PDE10A: variants seen among roughly 807,000 people sequenced by gnomAD.
PDE10A encodes cAMP and cAMP-inhibited cGMP 3',5'-cyclic phosphodiesterase 10A.
In PDE10A, 39 loss-of-function variants were observed where a neutral mutation model predicts 97.7. The ratio of observed to expected loss-of-function variants is 0.40; its 90% CI spans 0.31 to 0.52. The LOEUF is 0.52. Ranked by LOEUF, PDE10A falls within the 20% of genes least tolerant of loss-of-function variation. PDE10A has a pLI of 0.56. For synonymous variants in PDE10A, 371 were observed against 376.8 expected (o/e 0.98, Z 0.18); for missense variants, 731 against 1,047.8 (o/e 0.70, Z 4.17).
intron 13 of PDE10A, among the ~76,000 whole-genome samples, chr6:165,406,086 C>T (rs556280323): frequency 3.9e-5 from 6 of 152,112 alleles, no homozygotes; most frequent in Non-Finnish European, 7.4e-5. Flanking sequence ...AGACTGAACT[C>T]GGCTGAAATT....
chr6:165,428,549 C>T, intron 10 of PDE10A, 109 bp downstream of exon 10: 1 of 612,342 alleles, frequency 1.6e-6, no homozygotes, highest in East Asian at 3.2e-5. Context: ...ACCACATTTT[C>T]ATAATATTGA....
chr6:165,661,676 C>G lies in PDE10A; in HGVS notation c.865+271G>C. 1 of 419,812 alleles carries G rather than the reference C, an allele frequency of 2.4e-6. No homozygotes were observed. Among genetic ancestry groups the G allele is most frequent in the Non-Finnish European group, 4.2e-6 (1 of 239,362 alleles). 26.0% of individuals were successfully genotyped at this position (419,812 alleles called of 1,614,324 possible). On this transcript the variant is annotated intron_variant, in intron 1 of 21. Coordinates refer to ENST00000539869, the MANE Select transcript of PDE10A (RefSeq NM_001385079.1). The surrounding 1 kb of genome is among the most constrained non-coding windows in gnomAD (Gnocchi z 4.8). ...AGGAGGCGGCAGGTCCCGCTCGCAA[C>G]GTCCAAGCTCCCGCCGCCCTCCCGA... is the stretch of plus-strand genomic sequence containing the variant.
In PDE10A at chr6:165,867,891, A is replaced by G. The variant is rs376012350; in HGVS notation, c.-615+119638T>C. Among the ~76,000 whole-genome samples the G allele has an allele frequency of 6.6e-5, 10 of 152,274 alleles. No individual in the cohort carries two copies. The South Asian group carries it at 8.3e-4, about 13-fold the overall frequency. The stretch of plus-strand genomic sequence containing the variant: ...CAAGAGAAACATTGGAAACTATGCA[A>G]ATACATGGAAATTAAACATGTTCCT... On this transcript the variant is annotated intron_variant, in intron 1 of 19. Coordinates refer to the PDE10A transcript ENST00000366882.
intron 1 of PDE10A, among the ~76,000 whole-genome samples, chr6:165,861,639 G>A (rs138005272): frequency 2.0e-5 from 3 of 151,958 alleles, no homozygotes; most frequent in African/African-American, 7.3e-5. Flanking sequence ...ATGGGAGTTC[G>A]CTGGGAAGGG....
intron 17 of PDE10A, among the ~76,000 whole-genome samples, chr6:165,382,212 G>A (rs982344077): frequency 1.3e-5 from 2 of 152,134 alleles, no homozygotes; most frequent in Non-Finnish European, 2.9e-5. Context: ...TGGTGCTGAC[G>A]CTGAAAGATG....
At chr6:165,983,355 C>G (rs1311733579) in intron 1 of PDE10A, among the ~76,000 whole-genome samples, 1 of 152,138 alleles carries the variant, frequency 6.6e-6, no homozygotes, top group Admixed American at 6.5e-5. Context: ...CAGCACAGGA[C>G]CTGAAATGAG....
At chr6:165,861,928 C>A (rs539609986) in intron 1 of PDE10A, among the ~76,000 whole-genome samples, 1 of 152,264 alleles carries the variant, frequency 6.6e-6, no homozygotes, top group Non-Finnish European at 1.5e-5. Context: ...TAGATCCCTG[C>A]CCTTCAGACT....
intron 3 of PDE10A, among the ~76,000 whole-genome samples, chr6:165,477,005 A>G (rs1274453253): frequency 6.6e-6 from 1 of 152,182 alleles, no homozygotes; most frequent in Non-Finnish European, 1.5e-5. Context: ...TAAAAAGAGT[A>G]ATAGTAATAA....
intron 2 of PDE10A, among the ~76,000 whole-genome samples, chr6:165,507,892 T>C (rs769164298): frequency 6.6e-6 from 1 of 152,070 alleles, no homozygotes; most frequent in Non-Finnish European, 1.5e-5. Context: ...AACAATGTTT[T>C]CTTAAGACTT....
At chr6:165,434,058 G>C (rs1479581852) in intron 6 of PDE10A, among the ~76,000 whole-genome samples, 1 of 142,786 alleles carries the variant, frequency 7.0e-6, no homozygotes, top group Non-Finnish European at 1.5e-5. Context: ...CAGGGAAATT[G>C]AATGAATTAA....
chr6:165,808,328 C>G (rs922917854), intron 1 of PDE10A, among the ~76,000 whole-genome samples: 2 of 152,226 alleles, frequency 1.3e-5, no homozygotes, highest in Admixed American at 1.3e-4. Flanking sequence ...CATCCATCTG[C>G]TGAACTGGCT....
At chr6:165,917,338 A>G (rs774541912) in intron 1 of PDE10A, among the ~76,000 whole-genome samples, 2 of 152,160 alleles carry the variant, frequency 1.3e-5, no homozygotes, top group Non-Finnish European at 2.9e-5. Flanking sequence ...GACTTAGAGC[A>G]ATTAGGACTC....
At chr6:165,531,713 A>T (rs552091656) in intron 2 of PDE10A, among the ~76,000 whole-genome samples, 5 of 152,304 alleles carry the variant, frequency 3.3e-5, no homozygotes, top group Admixed American at 2.6e-4. Flanking sequence ...TTATGTGTTG[A>T]TTATTATCTC....
At chr6:165,430,011 T>C (rs941693505) in intron 9 of PDE10A, among the ~76,000 whole-genome samples, 3 of 152,142 alleles carry the variant, frequency 2.0e-5, no homozygotes, top group Non-Finnish European at 4.4e-5. Flanking sequence ...TAGAGATATT[T>C]AGTGTCTTTA....
intron 1 of PDE10A, among the ~76,000 whole-genome samples, chr6:165,937,560 G>A (rs906591494): frequency 1.3e-5 from 2 of 152,102 alleles, no homozygotes; most frequent in African/African-American, 4.8e-5. Context: ...AATATTTATT[G>A]GAAGAGTTGG....
At chr6:165,463,183 G>C (rs897424318) in intron 3 of PDE10A, among the ~76,000 whole-genome samples, 1 of 152,116 alleles carries the variant, frequency 6.6e-6, no homozygotes, top group Admixed American at 6.5e-5. Flanking sequence ...CGGTAGAAAT[G>C]GCAAAAAATA....
chr6:165,918,015 T>G, intron 1 of PDE10A, among the ~76,000 whole-genome samples: 1 of 152,168 alleles, frequency 6.6e-6, no homozygotes, highest in East Asian at 1.9e-4. Flanking sequence ...ATTCCCTTAG[T>G]ATTCCGGAAG....
chr6:165,636,968 T>C (rs73024118), intron 1 of PDE10A, among the ~76,000 whole-genome samples: 82 of 152,148 alleles, frequency 5.4e-4, no homozygotes, highest in South Asian at 1.0e-3. Context: ...CATGTGAAAA[T>C]TGTCAGACTG....
At chr6:165,936,268 AGGAATGTGATGAACCATGGAG>A (rs551344234) in intron 1 of PDE10A, among the ~76,000 whole-genome samples, 55 of 152,244 alleles carry the variant, frequency 3.6e-4, no homozygotes, top group African/African-American at 1.3e-3. Context: ...TGCCAGAGGG[AGGAATGTGATGAACCATGGAG>A]GGAATGTGAT....
Sources: allele counts gnomAD v4.1 joint callset (sites outside exome capture counted in the v4.1 genomes callset), GRCh38; gene constraint gnomAD v4.1.1; non-coding constraint Gnocchi (gnomAD v3.1); transcripts MANE v1.5; gene names NCBI Gene and HGNC (gene_info 2026-07-23, HGNC 2026-07-21).